The following SPAG16 variants were observed in gnomAD, a reference collection of about 807,000 sequenced individuals.
The protein encoded by SPAG16 is sperm-associated antigen 16 protein.
A neutral mutation model predicts 80.4 loss-of-function variants in SPAG16; 86 were observed. The ratio of observed to expected loss-of-function variants is 1.07; its 90% CI spans 0.90 to 1.28. The LOEUF (loss-of-function observed/expected upper bound fraction) is 1.28. Among genes scored for constraint, SPAG16 ranks in the 50% most tolerant of loss-of-function variants. SPAG16 has a pLI of 0.00. For synonymous variants in SPAG16, 294 were observed against 265.9 expected (o/e 1.11, Z -1.03); for missense variants, 870 against 765.3 (o/e 1.14, Z -1.61).
intron 11 of SPAG16, among the ~76,000 whole-genome samples, chr2:213,896,572 T>G (rs1223273802): frequency 1.5e-5 from 1 of 66,734 alleles, no homozygotes; most frequent in Non-Finnish European, 3.6e-5. Flanking sequence ...GGATAAAATG[T>G]GATATATACA....
At chr2:213,298,564 G>A (rs1271605306) in intron 3 of SPAG16, among the ~76,000 whole-genome samples, 1 of 152,160 alleles carries the variant, frequency 6.6e-6, no homozygotes, top group Non-Finnish European at 1.5e-5. Context: ...AGTTAAATAA[G>A]AGAATGGATA....
intron 15 of SPAG16, among the ~76,000 whole-genome samples, chr2:214,288,760 T>TTTAC (rs2125926298): frequency 6.7e-6 from 1 of 149,156 alleles, no homozygotes; most frequent in African/African-American, 2.5e-5. Context: ...CACTTATTTA[T>TTTAC]TTATTTATTT....
chr2:213,963,826 A>G (rs1022451670), intron 12 of SPAG16, among the ~76,000 whole-genome samples: 2 of 152,082 alleles, frequency 1.3e-5, no homozygotes, highest in African/African-American at 2.4e-5. Flanking sequence ...TTTGCCTGAT[A>G]TTAGTATAGT....
chr2:214,009,602 G>C (rs2047189897), intron 12 of SPAG16, among the ~76,000 whole-genome samples: 1 of 152,208 alleles, frequency 6.6e-6, no homozygotes, highest in Non-Finnish European at 1.5e-5. Flanking sequence ...GAGGCAGAAT[G>C]AGGGTCGTGA....
intron 14 of SPAG16, among the ~76,000 whole-genome samples, chr2:214,147,489 C>T (rs1237793086): frequency 6.6e-6 from 1 of 152,156 alleles, no homozygotes; most frequent in Admixed American, 6.5e-5. Flanking sequence ...TAAAAACTTA[C>T]CTACTCTGTT....
chr2:213,705,958 G>A (rs913035860), intron 10 of SPAG16, among the ~76,000 whole-genome samples: 4 of 152,294 alleles, frequency 2.6e-5, no homozygotes. Flanking sequence ...GCCATAAAGA[G>A]AAGTGAGTTG....
At chr2:213,460,360 G>C (rs2072290655) in intron 9 of SPAG16, among the ~76,000 whole-genome samples, 1 of 152,164 alleles carries the variant, frequency 6.6e-6, no homozygotes, top group Non-Finnish European at 1.5e-5. Context: ...TATATCCATA[G>C]AACAAGTGTA....
At chr2:214,252,077 A>G (rs181786350) in intron 15 of SPAG16, among the ~76,000 whole-genome samples, 12 of 152,214 alleles carry the variant, frequency 7.9e-5, no homozygotes, top group Admixed American at 3.9e-4. Context: ...TCATAAAAAT[A>G]TGCTCAGAGG....
chr2:213,760,517 AAAAC>A (rs961209976), intron 10 of SPAG16, among the ~76,000 whole-genome samples: 3 of 152,246 alleles, frequency 2.0e-5, no homozygotes, highest in African/African-American at 7.2e-5. Flanking sequence ...CTAGAAAAAA[AAAAC>A]AAAGATAAAT....
intron 5 of SPAG16, among the ~76,000 whole-genome samples, chr2:213,323,649 C>T (rs746705108): frequency 2.6e-5 from 4 of 152,080 alleles, no homozygotes; most frequent in South Asian, 4.1e-4. Flanking sequence ...GAATTGAAAC[C>T]AGGATCTGAG....
intron 9 of SPAG16, among the ~76,000 whole-genome samples, chr2:213,458,181 C>T (rs2072148797): frequency 6.6e-6 from 1 of 152,048 alleles, no homozygotes; most frequent in Admixed American, 6.6e-5. Context: ...TTTAGATATA[C>T]TCACATATTT....
chr2:213,451,349 A>G (rs1303695955), intron 9 of SPAG16, among the ~76,000 whole-genome samples: 1 of 152,132 alleles, frequency 6.6e-6, no homozygotes, highest in African/African-American at 2.4e-5. Context: ...TACCATCTCT[A>G]TATTAATTCT....
intron 15 of SPAG16, among the ~76,000 whole-genome samples, chr2:214,153,199 C>T (rs951096222): frequency 5.9e-5 from 9 of 152,172 alleles, no homozygotes; most frequent in East Asian, 2.0e-4. Flanking sequence ...TCTTCCCAGA[C>T]GCTGGCATCA....
chr2:213,983,350 G>GAATAAT (rs1210565472), intron 12 of SPAG16, among the ~76,000 whole-genome samples: 1 of 151,620 alleles, frequency 6.6e-6, no homozygotes, highest in Admixed American at 6.6e-5. Context: ...TTGTTTTTCA[G>GAATAAT]AATAATAATA....
intron 10 of SPAG16, among the ~76,000 whole-genome samples, chr2:213,836,097 T>G (rs947326335): frequency 2.0e-5 from 3 of 151,782 alleles, no homozygotes; most frequent in African/African-American, 7.3e-5. Context: ...GAAGCTTGAG[T>G]GGACACAATC....
intron 10 of SPAG16, among the ~76,000 whole-genome samples, chr2:213,500,933 G>A (rs1193010583): frequency 2.0e-5 from 3 of 152,180 alleles, no homozygotes; most frequent in Admixed American, 2.0e-4. Flanking sequence ...TAGGTCATGA[G>A]TAATGAGATA....
chr2:213,869,264 A>AAAAAATAT (rs552335638), intron 11 of SPAG16, among the ~76,000 whole-genome samples: 1 of 63,584 alleles, frequency 1.6e-5, no homozygotes, highest in Non-Finnish European at 3.7e-5. Context: ...AAAAAAAAAA[A>AAAAAATAT]ATATATATAT....
chr2:213,369,249 A>G (rs2125163011), intron 8 of SPAG16, among the ~76,000 whole-genome samples: 1 of 152,340 alleles, frequency 6.6e-6, no homozygotes, highest in Admixed American at 6.5e-5. Context: ...TATATTTGCC[A>G]GAAGGAAATT....
chr2:214,167,445 G>A (rs1445491082), intron 15 of SPAG16, among the ~76,000 whole-genome samples: 4 of 152,090 alleles, frequency 2.6e-5, no homozygotes. Flanking sequence ...TTTGTGTTAT[G>A]TGTTCAGCTT....
Sources: allele counts gnomAD v4.1 joint callset (sites outside exome capture counted in the v4.1 genomes callset), GRCh38; gene constraint gnomAD v4.1.1; transcripts MANE v1.5; gene names NCBI Gene and HGNC (gene_info 2026-07-23, HGNC 2026-07-21).